The following SLC7A14 variants were observed in gnomAD, a reference collection of about 807,000 sequenced individuals.
The protein encoded by SLC7A14 is solute carrier family 7 member 14, also known as gamma-aminobutyric acid transporter SLC7A14.
A neutral mutation model predicts 60.2 loss-of-function variants in SLC7A14; 37 were observed. That is an observed-to-expected ratio of 0.61 (90% CI 0.47 to 0.81). SLC7A14 has a LOEUF of 0.81. Ranked by LOEUF, SLC7A14 falls within the 30% of genes least tolerant of loss-of-function variation. The pLI is 0.00. For synonymous variants in SLC7A14, 399 were observed against 395.8 expected, an observed-to-expected ratio of 1.01 and a Z score of -0.10; for missense variants, 886 against 982.7, an observed-to-expected ratio of 0.90 and a Z score of 1.32.
chr3:170,487,006 A>G (rs970711203), intron 4 of SLC7A14, among the ~76,000 whole-genome samples: 4 of 150,944 alleles, frequency 2.6e-5, no homozygotes, highest in Non-Finnish European at 5.9e-5. Context: ...CCAGATCTAA[A>G]ATGATATAAA....
At chr3:170,475,374 A>G (rs116799952) in intron 7 of SLC7A14, among the ~76,000 whole-genome samples, 25 of 152,346 alleles carry the variant, frequency 1.6e-4, no homozygotes, top group African/African-American at 6.0e-4. Flanking sequence ...CCATTTAAAA[A>G]TATCTCTACT....
chr3:170,516,006 T>C (rs1181277003), intron 2 of SLC7A14, among the ~76,000 whole-genome samples: 1 of 152,182 alleles, frequency 6.6e-6, no homozygotes, highest in Admixed American at 6.5e-5. Flanking sequence ...CCTACAGCCA[T>C]GCTAGGTGCT....
intron 1 of SLC7A14, among the ~76,000 whole-genome samples, chr3:170,554,432 C>T (rs1714433370): frequency 1.3e-5 from 2 of 152,196 alleles, no homozygotes; most frequent in Non-Finnish European, 2.9e-5. Flanking sequence ...AGTACAAAGT[C>T]TCAGGGGCCA....
chr3:170,493,308 C>G (rs1712277795), intron 4 of SLC7A14, among the ~76,000 whole-genome samples: 1 of 152,180 alleles, frequency 6.6e-6, no homozygotes, highest in South Asian at 2.1e-4. Flanking sequence ...ATTCCTTAAG[C>G]TATTTTCTTT....
chr3:170,479,286 G>C (rs200517999), intron 7 of SLC7A14, among the ~76,000 whole-genome samples: 1 of 152,108 alleles, frequency 6.6e-6, no homozygotes, highest in East Asian at 1.9e-4. Flanking sequence ...ATCCTCTTTA[G>C]CTAAGAATTT....
intron 1 of SLC7A14, among the ~76,000 whole-genome samples, chr3:170,551,672 G>A (rs913111526): frequency 6.6e-6 from 1 of 151,968 alleles, no homozygotes; most frequent in Non-Finnish European, 1.5e-5. Flanking sequence ...CATCTTTATC[G>A]GCCATTTGTA....
chr3:170,512,497 A>G (rs181950573), intron 2 of SLC7A14, among the ~76,000 whole-genome samples: 44 of 152,144 alleles, frequency 2.9e-4, no homozygotes, highest in Non-Finnish European at 5.4e-4. Flanking sequence ...GGTGAGATGG[A>G]TTCGGTTACA....
intron 1 of SLC7A14, among the ~76,000 whole-genome samples, chr3:170,527,714 G>A (rs1713555181): frequency 6.6e-6 from 1 of 152,094 alleles, no homozygotes; most frequent in South Asian, 2.1e-4. Flanking sequence ...TTGGAATGGT[G>A]GGGAGTACTC....
At chr3:170,515,236 C>T (rs1480376068) in intron 2 of SLC7A14, among the ~76,000 whole-genome samples, 1 of 151,724 alleles carries the variant, frequency 6.6e-6, no homozygotes, top group Non-Finnish European at 1.5e-5. Context: ...TCACTGGAAC[C>T]TGGGAGGCAG....
chr3:170,466,076 G>A lies in SLC7A14; in HGVS notation c.*979C>T, dbSNP rs1312863771. ...TTTCAGAGTAGCACACACCAATCAA[G>A]TGGTTGCCTATCTCAAAAACTTTAG... On this transcript the variant is annotated 3_prime_UTR_variant, in exon 8 of 8. Transcript: ENST00000231706. 1 of 152,180 alleles carries A rather than the reference G, an allele frequency of 6.6e-6. No individual in the cohort carries two copies. The highest frequency in any genetic ancestry group is 2.4e-5 in the African/African-American group (1 of 41,428). 9.4% of individuals were successfully genotyped at this position (152,180 alleles called of 1,614,324 possible).
intron 1 of SLC7A14, among the ~76,000 whole-genome samples, chr3:170,550,652 G>A (rs528248522): frequency 3.0e-4 from 45 of 151,000 alleles, no homozygotes; most frequent in Admixed American, 2.8e-3. Context: ...CTCCTGAGTA[G>A]CTGGGATTAC....
intron 1 of SLC7A14, among the ~76,000 whole-genome samples, chr3:170,558,403 C>G (rs574715874): frequency 1.3e-5 from 2 of 152,010 alleles, no homozygotes; most frequent in Non-Finnish European, 2.9e-5. Flanking sequence ...AACAAACAAA[C>G]AAATAAATAA....
chr3:170,547,634 G>A (rs1714217489), intron 1 of SLC7A14, among the ~76,000 whole-genome samples: 1 of 152,134 alleles, frequency 6.6e-6, no homozygotes, highest in African/African-American at 2.4e-5. Context: ...TGAGGAGGAG[G>A]AGGAAGAGGA....
At chr3:170,520,208 C>T (rs1347068742) in intron 2 of SLC7A14, among the ~76,000 whole-genome samples, 1 of 152,214 alleles carries the variant, frequency 6.6e-6, no homozygotes, top group Non-Finnish European at 1.5e-5. Context: ...GGAGCCAAAC[C>T]TTTCAGAATC....
Position 170,466,800 on chromosome 3 carries a change from G to A in SLC7A14, c.*255C>T, listed in dbSNP as rs1423297609. 3 of 405,374 alleles carry A rather than the reference G, an allele frequency of 7.4e-6. No individual in the cohort carries two copies. The highest frequency in any genetic ancestry group is 6.1e-5 in the African/African-American group (3 of 48,826). The allele number at this position is 405,374 out of a possible 1,614,324, so 25.1% of individuals were successfully genotyped here. On this transcript the variant is annotated 3_prime_UTR_variant, in exon 8 of 8. Transcript: ENST00000231706. ...CATCAGCTCTGGTGGTTGCACCTAA[G>A]ATGGAATTTCATATAGCCTCTTGTT...
At chr3:170,546,906 C>G (rs927084568) in intron 1 of SLC7A14, among the ~76,000 whole-genome samples, 1 of 152,200 alleles carries the variant, frequency 6.6e-6, no homozygotes, top group African/African-American at 2.4e-5. Flanking sequence ...AGGCCAGTCT[C>G]CAAGGGCTCA....
chr3:170,569,329 G>A (rs368958778), intron 1 of SLC7A14, among the ~76,000 whole-genome samples: 6 of 152,184 alleles, frequency 3.9e-5, no homozygotes, highest in African/African-American at 1.4e-4. Context: ...ATTTGCGTAT[G>A]TTGAACCAGC....
At chr3:170,572,185 T>C (rs536708462) in intron 1 of SLC7A14, among the ~76,000 whole-genome samples, 1 of 152,232 alleles carries the variant, frequency 6.6e-6, no homozygotes, top group South Asian at 2.1e-4. Flanking sequence ...ACCTGCAAAG[T>C]CATTCTTATT....
intron 1 of SLC7A14, among the ~76,000 whole-genome samples, chr3:170,544,835 A>G (rs1257578409): frequency 6.6e-6 from 1 of 152,256 alleles, no homozygotes; most frequent in Non-Finnish European, 1.5e-5. Context: ...AACATTTGTT[A>G]AAAGTGACAC....
Sources: gnomAD v4.1 joint callset for allele counts (sites outside exome capture counted in the v4.1 genomes callset) on GRCh38, gnomAD v4.1.1 for gene constraint, MANE v1.5 for transcripts, NCBI Gene and HGNC (gene_info 2026-07-23, HGNC 2026-07-21) for gene names.